Variants in FAM229B observed in about 807,000 individuals in gnomAD.
The protein encoded by FAM229B is protein FAM229B.
Under a neutral mutation model 6.7 loss-of-function variants are expected in FAM229B, and 2 were observed. The ratio of observed to expected loss-of-function variants is 0.30; its 90% CI spans 0.12 to 0.94. The LOEUF (loss-of-function observed/expected upper bound fraction) is 0.94. Among genes scored for constraint, FAM229B ranks in the 40% least tolerant of loss-of-function variants. The pLI, the probability that FAM229B is intolerant of heterozygous loss-of-function variation, is 0.54. For missense variants in FAM229B, 93 were observed against 96.2 expected, an observed-to-expected ratio of 0.97 and a Z score of 0.14; for synonymous variants, 29 against 34.0, an observed-to-expected ratio of 0.85 and a Z score of 0.51.
Position 112,100,986 on chromosome 6 carries a change from A to T in FAM229B, c.*199A>T, listed in dbSNP as rs1777391939. On this transcript the variant is annotated 3_prime_UTR_variant, in exon 4 of 4. Coordinates refer to ENST00000368656, the MANE Select transcript of FAM229B (RefSeq NM_001033564.3). ...GGCTATCAGTTATGTCTGATACATAAGACAGAATAATATTTCACAATTAGA... is the reference window on the plus strand; with the variant it reads ...GGCTATCAGTTATGTCTGATACATATGACAGAATAATATTTCACAATTAGA... 2.0e-6 allele frequency: 1 copy of T among 501,792 alleles called. No homozygotes were observed. The highest frequency in any genetic ancestry group is 3.5e-5 in the Admixed American group (1 of 28,204). The allele number at this position is 501,792 out of a possible 1,614,324, so 31.1% of individuals were successfully genotyped here. A position where few individuals can be genotyped will look rare whatever the true frequency, so the allele number is the denominator to read the frequency against.
In FAM229B at chr6:112,100,705, C is replaced by A. The variant is rs1373812818; in HGVS notation, c.161C>A (p.Thr54Lys). The change falls in exon 4 of 4, where the codon ACA becomes AAA. Residue 54 changes from threonine to lysine, a missense_variant. Physicochemically the swap from Thr to Lys is moderately conservative, Grantham distance 78. Coordinates refer to ENST00000368656, the MANE Select transcript of FAM229B (RefSeq NM_001033564.3). ...AGGTGCCCTGGAAGTCATTGCCTGA[C>A]AATAACTGATGTTCCCGTCACTGTT... ...LRRCPGSHCL[T>K]ITDVPVTVYA... The A allele has an allele frequency of 6.2e-7, 1 of 1,613,922 alleles. No homozygotes were observed. Among genetic ancestry groups the A allele is most frequent in the African/African-American group, 1.3e-5 (1 of 74,912 alleles).
intron 1 of FAM229B, among the ~76,000 whole-genome samples, chr6:112,095,639 AAAAAAAAAAAAAAAAAAAAAACC>A (rs1777312780): frequency 1.3e-5 from 1 of 79,926 alleles, no homozygotes; most frequent in South Asian, 2.9e-4. Flanking sequence ...CTGTCTCAAA[AAAAAAAAAAAAAAAAAAAAAACC>A]AAAAAAAAAA....
At chr6:112,097,264 T>C (rs1291890271) in intron 2 of FAM229B, 63 bp downstream of exon 2, 1 of 152,258 alleles carries the variant, frequency 6.6e-6, no homozygotes, top group Non-Finnish European at 1.5e-5. Flanking sequence ...TAGGTAGTTA[T>C]ACTAAACCAC....
intron 1 of FAM229B, among the ~76,000 whole-genome samples, chr6:112,091,121 G>A (rs1009695673): frequency 2.0e-5 from 3 of 151,986 alleles, no homozygotes; most frequent in Non-Finnish European, 1.5e-5. Flanking sequence ...TTCTGTGGCT[G>A]GCTAATATCA....
In FAM229B at chr6:112,100,883, TA is replaced by T; in HGVS notation, c.*97del. On this transcript the variant is annotated 3_prime_UTR_variant, in exon 4 of 4. Transcript: ENST00000368656. ...AAACAAATAAAAGTGGTGGCACCTT[TA>T]GATGATGACAACAGTTGAGCTCTTT... is the stretch of plus-strand genomic sequence containing the variant. 1 of 888,510 alleles carries T rather than the reference TA, an allele frequency of 1.1e-6. No homozygotes were observed. Among genetic ancestry groups the T allele is most frequent in the Non-Finnish European group, 1.8e-6 (1 of 542,088 alleles). 55.0% of individuals were successfully genotyped at this position (888,510 alleles called of 1,614,324 possible).
chr6:112,097,208 C>G lies in FAM229B; in HGVS notation c.-15+7C>G, dbSNP rs1777337892. 6.6e-6 allele frequency: 1 copy of G among 152,128 alleles called. No homozygotes were observed. 9.4% of individuals were successfully genotyped at this position (152,128 alleles called of 1,614,324 possible). ...TCAGACTCAGCCTCTTTTGGTAAGT[C>G]TATTTATCCTTGATCAAATTAGCTA... is the stretch of plus-strand genomic sequence containing the variant. On this transcript the variant is annotated splice_region_variant and intron_variant, in intron 2 of 3. Coordinates refer to ENST00000368656, the MANE Select transcript of FAM229B (RefSeq NM_001033564.3).
chr6:112,091,725 A>G (rs1777259548), intron 1 of FAM229B, among the ~76,000 whole-genome samples: 1 of 152,190 alleles, frequency 6.6e-6, no homozygotes, highest in Admixed American at 6.5e-5. Flanking sequence ...GATGAGTCCC[A>G]TAATGAGGTG....
intron 1 of FAM229B, among the ~76,000 whole-genome samples, chr6:112,093,801 A>T (rs1442141177): frequency 6.6e-6 from 1 of 152,142 alleles, no homozygotes; most frequent in South Asian, 2.1e-4. Context: ...AACATTTACC[A>T]AGGCAGTTTA....
In FAM229B at chr6:112,101,655, A is replaced by G. The variant is rs1777400906; in HGVS notation, c.*868A>G. 1.3e-5 allele frequency: 2 copies of G among 152,118 alleles called. No homozygotes were observed. Among genetic ancestry groups the G allele is most frequent in the South Asian group, 4.1e-4 (2 of 4,824 alleles). 9.4% of individuals were successfully genotyped at this position (152,118 alleles called of 1,614,324 possible). ...TTTCTCTCGATGGCTGTCAGCACCCATCTAATGAAATTGTCTTCTCCAAAA... is the reference window on the plus strand; with the variant it reads ...TTTCTCTCGATGGCTGTCAGCACCCGTCTAATGAAATTGTCTTCTCCAAAA... On this transcript the variant is annotated 3_prime_UTR_variant, in exon 4 of 4. Transcript: ENST00000368656.
At chr6:112,098,461 C>T (rs6913575) in intron 2 of FAM229B, among the ~76,000 whole-genome samples, 35,276 of 152,110 alleles carry the variant, frequency 0.23, 4,225 homozygotes, top group East Asian at 0.32. Flanking sequence ...TTACTGAGCA[C>T]TTACTGTGTG....
In FAM229B at chr6:112,101,800, G is replaced by A. The variant is rs960312337; in HGVS notation, c.*1013G>A. 4.6e-5 allele frequency: 7 copies of A among 152,106 alleles called. No individual in the cohort carries two copies. Among genetic ancestry groups the A allele is most frequent in the African/African-American group, 9.7e-5 (4 of 41,412 alleles). 9.4% of individuals were successfully genotyped at this position (152,106 alleles called of 1,614,324 possible). ...TTTATTAACTTATAATTAAATAGAC[G>A]TAGATGCATATGTGTTGCATTAGGT... On this transcript the variant is annotated 3_prime_UTR_variant, in exon 4 of 4. Transcript: ENST00000368656.
At chr6:112,089,254 T>C (rs1414812088) in intron 1 of FAM229B, among the ~76,000 whole-genome samples, 1 of 151,638 alleles carries the variant, frequency 6.6e-6, no homozygotes, top group Non-Finnish European at 1.5e-5. Flanking sequence ...GGGAATCCTA[T>C]GGACTCCTAA....
chr6:112,090,608 T>G (rs897984237), intron 1 of FAM229B, among the ~76,000 whole-genome samples: 1 of 152,202 alleles, frequency 6.6e-6, no homozygotes, highest in African/African-American at 2.4e-5. Context: ...ACAACAATTT[T>G]TTTTTTGTAC....
chr6:112,100,558 A>G, intron 3 of FAM229B, 112 bp from the exon 4 acceptor site: 1 of 687,206 alleles, frequency 1.5e-6, no homozygotes, highest in Non-Finnish European at 2.5e-6. Context: ...TGACATTCAG[A>G]GATTTCAAAG....
chr6:112,093,742 T>C (rs1277671536), intron 1 of FAM229B, among the ~76,000 whole-genome samples: 3 of 152,074 alleles, frequency 2.0e-5, no homozygotes, highest in African/African-American at 7.2e-5. Context: ...AATACTTATA[T>C]AGAACACTGA....
rs1777404156 is a variant in FAM229B at position 112,101,967 on chromosome 6, C to T, written c.*1180C>T. 2 of 152,114 alleles carry T rather than the reference C, an allele frequency of 1.3e-5. No homozygotes were observed. The highest frequency in any genetic ancestry group is 2.9e-5 in the Non-Finnish European group (2 of 68,026). The allele number at this position is 152,114 out of a possible 1,614,324, so 9.4% of individuals were successfully genotyped here. A position where few individuals can be genotyped will look rare whatever the true frequency, so the allele number is the denominator to read the frequency against. The stretch of plus-strand genomic sequence containing the variant: ...TGAGTAGAGACTCAGAAAGGTTGTA[C>T]TTTCATAAGAGATCCAAACTGGAGC... On this transcript the variant is annotated 3_prime_UTR_variant, in exon 4 of 4. Transcript: ENST00000368656.
At chr6:112,094,520 C>A (rs1384901601) in intron 1 of FAM229B, among the ~76,000 whole-genome samples, 1 of 152,022 alleles carries the variant, frequency 6.6e-6, no homozygotes, top group African/African-American at 2.4e-5. Flanking sequence ...GTCTCCCACT[C>A]ATTTCCACCT....
intron 2 of FAM229B, among the ~76,000 whole-genome samples, chr6:112,098,476 G>A (rs1026076292): frequency 6.6e-6 from 1 of 152,102 alleles, no homozygotes; most frequent in African/African-American, 2.4e-5. Flanking sequence ...TGTGTGTTAG[G>A]CACTGCACTT....
At chr6:112,100,166 T>C (rs1258716025) in intron 3 of FAM229B, among the ~76,000 whole-genome samples, 3 of 152,242 alleles carry the variant, frequency 2.0e-5, no homozygotes, top group Non-Finnish European at 4.4e-5. Context: ...GAAATTCATA[T>C]ATTCGATGTA....
Sources: gnomAD v4.1 joint callset for allele counts (sites outside exome capture counted in the v4.1 genomes callset) on GRCh38, gnomAD v4.1.1 for gene constraint, MANE v1.5 for transcripts, NCBI Gene and HGNC (gene_info 2026-07-23, HGNC 2026-07-21) for gene names.